ALG1L2: variants seen among roughly 807,000 people sequenced by gnomAD.
ALG1L2 encodes the protein ALG1 chitobiosyldiphosphodolichol beta-mannosyltransferase like 2, also known as putative glycosyltransferase ALG1L2.
ALG1L2 carries 32 observed loss-of-function variants against 29.0 expected under a neutral mutation model. That is an observed-to-expected ratio of 1.10 (90% CI 0.83 to 1.48). ALG1L2 has a LOEUF of 1.48. Among genes scored for constraint, ALG1L2 ranks in the 40% most tolerant of loss-of-function variants. The pLI is 0.00. For missense variants in ALG1L2, 318 were observed against 274.1 expected, an observed-to-expected ratio of 1.16 and a Z score of -1.13; for synonymous variants, 110 against 109.5, an observed-to-expected ratio of 1.00 and a Z score of -0.03.
intron 6 of ALG1L2, 71 bp from the exon 7 acceptor site, chr3:130,097,104 C>T: frequency 1.0e-5 from 16 of 1,587,520 alleles, no homozygotes; most frequent in Non-Finnish European, 1.4e-5. Flanking sequence ...TGGGTGGGAG[C>T]CCAGCTGGGC....
At chr3:130,085,703 A>T (rs1420247532) in intron 1 of ALG1L2, among the ~76,000 whole-genome samples, 1 of 151,684 alleles carries the variant, frequency 6.6e-6, no homozygotes, top group Non-Finnish European at 1.5e-5. Context: ...GATGCAATTC[A>T]ACCCACAACA....
chr3:130,093,944 C>T, intron 4 of ALG1L2: 1 of 244,960 alleles, frequency 4.1e-6, no homozygotes, highest in South Asian at 4.4e-5. Context: ...GCCATGTGCT[C>T]TGGAGGCTGT....
At position 130,084,688 on chromosome 3, in the gene ALG1L2, T is replaced by G. The variant is rs1296085713; in HGVS notation, c.20+2652T>G. 3.1e-5 allele frequency among the ~76,000 whole-genome samples: 4 copies of G among 128,260 alleles called. 1 individual carries two copies. The highest frequency in any genetic ancestry group is 1.7e-4 in the Admixed American group (2 of 11,990). The allele number at this position is 128,260 out of a possible 152,430, so 84.1% of individuals were successfully genotyped here. The stretch of plus-strand genomic sequence containing the variant: ...GGCTTAGAACTACAGAAATGCATCG[T>G]CTTACACCTGCAGGCCAGAGGGCTG... On this transcript the variant is annotated intron_variant, in intron 1 of 7. Transcript: ENST00000425059.
rs1166648929 is a variant in ALG1L2 at position 130,096,164 on chromosome 3, G to C, written c.539+1G>C. On this transcript the variant is annotated splice_donor_variant, in intron 6 of 7. Coordinates refer to ENST00000425059, the MANE Select transcript of ALG1L2 (RefSeq NM_001136152.1). LOFTEE classifies it high-confidence loss of function. ...CTGCGTGTGCCGTGAACTTCAAGTG[G>C]TAGGAGCAGAACCCGAATTTTTTCT... is the stretch of plus-strand genomic sequence containing the variant. 1 of 1,611,780 alleles carries C rather than the reference G, an allele frequency of 6.2e-7. No homozygotes were observed.
In ALG1L2 at chr3:130,097,156, C is replaced by G. The variant is rs1935158031; in HGVS notation, c.540-19C>G. The stretch of plus-strand genomic sequence containing the variant: ...GTCTTCTCCAGGAAACTCTCGGGCT[C>G]CTTTTGTTCTCTCTGCAGTTTACAT... On this transcript the variant is annotated intron_variant, in intron 6 of 7. Coordinates refer to ENST00000425059, the MANE Select transcript of ALG1L2 (RefSeq NM_001136152.1). The G allele has an allele frequency of 1.9e-6, 3 of 1,611,722 alleles. No homozygotes were observed. The African/African-American group carries it at 4.0e-5, about 22-fold the overall frequency.
At chr3:130,090,995 A>G (rs1388627791) in intron 1 of ALG1L2, 4 of 459,090 alleles carry the variant, frequency 8.7e-6, no homozygotes, top group Non-Finnish European at 1.6e-5. Flanking sequence ...CCTGTTGTCC[A>G]CAGTCTGGTT....
intron 7 of ALG1L2, 54 bp downstream of exon 7, chr3:130,097,304 G>A (rs1259247686): frequency 2.7e-5 from 43 of 1,591,984 alleles, no homozygotes; most frequent in South Asian, 1.8e-4. Context: ...GACTGGCACC[G>A]AGCCATGCTC....
chr3:130,084,159 C>T (rs34941326), intron 1 of ALG1L2, among the ~76,000 whole-genome samples: 19,111 of 140,726 alleles, frequency 0.14, 671 homozygotes, highest in Non-Finnish European at 0.2. Context: ...GGGAAGCAGA[C>T]ATTGAGGAGA....
At chr3:130,091,717 G>A (rs1935017985) in intron 2 of ALG1L2, 1 of 559,810 alleles carries the variant, frequency 1.8e-6, no homozygotes, top group Non-Finnish European at 3.3e-6. Context: ...CTGTGGACCT[G>A]TGTGTCCCCT....
Position 130,091,391 on chromosome 3 carries a change from C to T in ALG1L2, c.131+20C>T, listed in dbSNP as rs12495049. The T allele has an allele frequency of 0.38, 596,471 of 1,590,570 alleles. 114,334 individuals are homozygous for T. Among genetic ancestry groups the T allele is most frequent in the Middle Eastern group, 0.43 (1,889 of 4,416 alleles). ...GGCCCGGTAGGCCTCCCACCCTCAG[C>T]TGCCTTCTCTCCTGCTCGCCACTGC... is the stretch of plus-strand genomic sequence containing the variant. On this transcript the variant is annotated intron_variant, in intron 2 of 7. Coordinates refer to ENST00000425059, the MANE Select transcript of ALG1L2 (RefSeq NM_001136152.1).
Position 130,092,175 on chromosome 3 carries a change from G to A in ALG1L2, c.206G>A (p.Arg69His), listed in dbSNP as rs752797458. 1.6e-5 allele frequency: 25 copies of A among 1,612,832 alleles called. No homozygotes were observed. Among genetic ancestry groups the A allele is most frequent in the African/African-American group, 1.1e-4 (8 of 75,024 alleles). The change falls in exon 3 of 8, where the codon CGT becomes CAT. Residue 69 changes from arginine (R) to histidine (H), a missense_variant. By Grantham distance (29) the Arg-to-His change is conservative. Coordinates refer to ENST00000425059, the MANE Select transcript of ALG1L2 (RefSeq NM_001136152.1). The stretch of plus-strand genomic sequence containing the variant: ...GATTCTGGGAGCGGGCTGGTGACGC[G>A]TCTCCACGAGCGGCCAGCCCTGCTG... ...ERDSGSGLVT[R>H]LHERPALLVS...
rs1284470762 is a variant in ALG1L2, at chr3:130,096,083, C to T, written c.459C>T (p.Ser153=). 1 of 1,547,064 alleles carries T rather than the reference C, an allele frequency of 6.5e-7. No individual in the cohort carries two copies. Residue 153 remains serine, a synonymous_variant, in exon 6 of 8, where the codon TCC becomes TCT. Transcript: ENST00000425059. ...SVDLDVCLDT[S]SSGLDLPMKV... Reference sequence around the variant, plus strand: ...ACCTGGATGTCTGTCTGGACACGTCCTCCAGTGGCCTGGACCTGCCCATGA... The same window carrying T: ...ACCTGGATGTCTGTCTGGACACGTCTTCCAGTGGCCTGGACCTGCCCATGA...
chr3:130,091,881 G>A (rs896520273), intron 2 of ALG1L2: 1 of 793,364 alleles, frequency 1.3e-6, no homozygotes, highest in African/African-American at 1.7e-5. Flanking sequence ...TGGAGAAAAG[G>A]AATTAGTCAG....
At chr3:130,091,885 T>G (rs1935021591) in intron 2 of ALG1L2, 22 of 791,170 alleles carry the variant, frequency 2.8e-5, no homozygotes, top group East Asian at 8.2e-5. Context: ...GAAAAGGAAT[T>G]AGTCAGTCTT....
chr3:130,091,820 G>A (rs376249404), intron 2 of ALG1L2: 122 of 655,524 alleles, frequency 1.9e-4, no homozygotes, highest in Middle Eastern at 4.0e-4. Context: ...GTGGGAGGGC[G>A]TCCTAGCACC....
At chr3:130,094,324 G>T in intron 4 of ALG1L2, 79 bp from the exon 5 acceptor site, 1 of 1,521,366 alleles carries the variant, frequency 6.6e-7, no homozygotes, top group Non-Finnish European at 9.0e-7. Context: ...ATCCCTCCTA[G>T]GGGGGAGTGT....
At position 130,095,966 on chromosome 3, in the gene ALG1L2, G is replaced by T. The variant is rs1462806201; in HGVS notation, c.425-83G>T. On this transcript the variant is annotated intron_variant, in intron 5 of 7. Transcript: ENST00000425059. ...CTTATCCAATTTTCACTCCCCTCGG[G>T]GGGTGTTGCCTCACTGTGCTGGGAG... The T allele has an allele frequency of 6.2e-6, 9 of 1,440,076 alleles. No individual in the cohort carries two copies. In the South Asian group the frequency reaches 8.5e-5, roughly 14 times the overall value. The allele number at this position is 1,440,076 out of a possible 1,614,324, so 89.2% of individuals were successfully genotyped here.
At chr3:130,089,871 T>C (rs71195216) in intron 1 of ALG1L2, among the ~76,000 whole-genome samples, 18,102 of 142,220 alleles carry the variant, frequency 0.13, no homozygotes, top group Non-Finnish European at 0.19. Flanking sequence ...TGAAACCCTG[T>C]CTCTACTTAA....
rs1310952728 is a variant in ALG1L2, at chr3:130,085,320, C to A, written c.20+3284C>A. ...CTATGTTGGCCAGGTTGGTCTTGAACCTTGGCCTCAAGTGATCCTCCTGCC... is the reference window on the plus strand; with the variant it reads ...CTATGTTGGCCAGGTTGGTCTTGAAACTTGGCCTCAAGTGATCCTCCTGCC... On this transcript the variant is annotated intron_variant, in intron 1 of 7. Transcript: ENST00000425059. 2.1e-4 allele frequency among the ~76,000 whole-genome samples: 29 copies of A among 135,374 alleles called. 2 individuals carry two copies. Among genetic ancestry groups the A allele is most frequent in the East Asian group, 8.2e-4 (4 of 4,860 alleles). 88.8% of individuals were successfully genotyped at this position (135,374 alleles called of 152,430 possible).
Sources: allele counts gnomAD v4.1 joint callset (sites outside exome capture counted in the v4.1 genomes callset), GRCh38; gene constraint gnomAD v4.1.1; transcripts MANE v1.5; gene names NCBI Gene and HGNC (gene_info 2026-07-23, HGNC 2026-07-21).